The following KIF26A variants were observed in gnomAD, a reference collection of about 807,000 sequenced individuals.
The protein encoded by KIF26A is kinesin family member 26A, also known as kinesin-like protein KIF26A.
Under a neutral mutation model 126.0 loss-of-function variants are expected in KIF26A, and 74 were observed. That is an observed-to-expected ratio of 0.59 (90% CI 0.49 to 0.71). The LOEUF (loss-of-function observed/expected upper bound fraction) is 0.71, where lower values mean the gene tolerates loss of function less well. KIF26A is among the 30% of genes least tolerant of loss of function. KIF26A has a pLI of 0.00. For synonymous variants in KIF26A, 1,445 were observed against 1,232.7 expected (o/e 1.17, Z -3.61); for missense variants, 2,984 against 2,763.3 (o/e 1.08, Z -1.79).
At chr14:104,141,509 G>A (rs1036503612) in intron 2 of KIF26A, among the ~76,000 whole-genome samples, 3 of 152,126 alleles carry the variant, frequency 2.0e-5, no homozygotes, top group Admixed American at 6.5e-5. Flanking sequence ...GCCTGTCTCC[G>A]TTGTAGAGGG....
intron 2 of KIF26A, among the ~76,000 whole-genome samples, chr14:104,145,872 G>A (rs1419030857): frequency 1.3e-5 from 2 of 152,040 alleles, no homozygotes; most frequent in Admixed American, 6.5e-5. Context: ...CCCTCTCCCC[G>A]ACCCCCGCAA....
chr14:104,174,454 G>T (rs1784981249), intron 11 of KIF26A, 144 bp downstream of exon 11: 1 of 909,750 alleles, frequency 1.1e-6, no homozygotes, highest in South Asian at 2.2e-5. Context: ...ATGTCATGAG[G>T]CTATGCCCAT....
chr14:104,157,604 C>G, intron 3 of KIF26A, 151 bp from the exon 4 acceptor site: 1 of 881,272 alleles, frequency 1.1e-6, no homozygotes, highest in South Asian at 2.0e-5. Flanking sequence ...GGGGCCTTCC[C>G]GGCTTCACAG....
At position 104,179,782 on chromosome 14, in the gene KIF26A, G is replaced by C; in HGVS notation, c.5641G>C (p.Asp1881His). 1 of 1,535,034 alleles carries C rather than the reference G, an allele frequency of 6.5e-7. No homozygotes were observed. Residue 1881 changes from aspartate to histidine, a missense_variant, in exon 15 of 15, where the codon GAC becomes CAC. Physicochemically the swap from Asp to His is moderately conservative, Grantham distance 81. Transcript: ENST00000423312. ...TGCCATCCCGGGGCCGCAGGAGGTG[G>C]ACGTCTGAGGCTGGGCGCCGGACAA... is the stretch of plus-strand genomic sequence containing the variant. ...SAAIPGPQEV[D>H]V
chr14:104,155,846 C>T (rs2037772064), intron 3 of KIF26A, among the ~76,000 whole-genome samples: 1 of 152,164 alleles, frequency 6.6e-6, no homozygotes, highest in African/African-American at 2.4e-5. Flanking sequence ...TGGGGGAGGG[C>T]TCGGGCCCTG....
In KIF26A at chr14:104,157,776, G is replaced by A. The variant is rs371230681; in HGVS notation, c.757G>A (p.Val253Met). 1.5e-4 allele frequency: 234 copies of A among 1,610,648 alleles called. 1 individual carries two copies. The highest frequency in any genetic ancestry group is 3.6e-4 in the East Asian group (16 of 44,812). The change falls in exon 4 of 15, where the codon GTG (valine) becomes ATG (methionine). Residue 253 changes from valine (V) to methionine (M), a missense_variant. Transcript: ENST00000423312. ...CCAGGCCGAGGCAGCGGTGGCGGCC[G>A]TGGCGGTGGCAGACACGGTCCGAGA... ...ACLAEAAVAA[V>M]AVADTVRECP...
chr14:104,171,371 C>T (rs879319412), intron 5 of KIF26A, among the ~76,000 whole-genome samples: 2 of 152,256 alleles, frequency 1.3e-5, no homozygotes, highest in African/African-American at 2.4e-5. Flanking sequence ...CCATGCTCCT[C>T]CCTCCTGCCC....
intron 2 of KIF26A, among the ~76,000 whole-genome samples, chr14:104,141,984 G>A (rs1479717672): frequency 1.3e-5 from 2 of 152,220 alleles, no homozygotes; most frequent in Non-Finnish European, 2.9e-5. Context: ...TGTTTGCTGA[G>A]TTAGGGACTC....
In KIF26A at chr14:104,175,100, C is replaced by T. The variant is rs749899803; in HGVS notation, c.2312C>T (p.Pro771Leu). The change falls in exon 12 of 15, where the codon CCC becomes CTC. Residue 771 changes from proline to leucine, a missense_variant. Physicochemically the swap from Pro to Leu is moderately conservative, Grantham distance 98. Coordinates refer to ENST00000423312, the MANE Select transcript of KIF26A (RefSeq NM_015656.2). ...TVALDPDRTP[P>L]CLPGDPDYSS... ...GCCCTGGACCCCGACCGCACGCCTC[C>T]CTGCCTGCCCGGTGACCCCGATTAC... The T allele has an allele frequency of 1.2e-6, 2 of 1,603,326 alleles. No homozygotes were observed. The highest frequency in any genetic ancestry group is 2.3e-5 in the East Asian group (1 of 44,396).
rs1025517915 is a variant in KIF26A, at chr14:104,176,906, A to G, written c.4118A>G (p.Gln1373Arg). Residue 1373 changes from glutamine (Q) to arginine (R), a missense_variant, in exon 12 of 15, where the codon CAG becomes CGG. Transcript: ENST00000423312. ...APPTRKSSLE[Q>R]RSSPASAPPH... ...CCCACGCGGAAGTCCAGCCTGGAGC[A>G]GAGGAGCAGCCCGGCCTCGGCCCCT... The G allele has an allele frequency of 5.2e-6, 8 of 1,534,868 alleles. No individual in the cohort carries two copies. The highest frequency in any genetic ancestry group is 7.0e-6 in the Non-Finnish European group (8 of 1,144,364).
Position 104,177,017 on chromosome 14 carries a change from A to G in KIF26A, c.4229A>G (p.His1410Arg). ...EEPRPSSRADHSVPRATSSLK... is the reference protein window; with the variant it reads ...EEPRPSSRADRSVPRATSSLK... ...CCCAGACCCAGCAGCCGGGCTGACC[A>G]CTCTGTCCCCAGGGCCACGTCCAGC... Residue 1410 changes from histidine (H) to arginine (R), a missense_variant, in exon 12 of 15, where the codon CAC (histidine) becomes CGC (arginine). Transcript: ENST00000423312. The G allele has an allele frequency of 1.3e-6, 2 of 1,561,456 alleles. No homozygotes were observed. Among genetic ancestry groups the G allele is most frequent in the Non-Finnish European group, 1.7e-6 (2 of 1,161,760 alleles).
Position 104,177,716 on chromosome 14 carries a change from C to A in KIF26A, c.4928C>A (p.Pro1643His). ...NSSVLSGELP[P>H]AMGRTALFHH... ...AGCGTGCTGAGTGGAGAGCTGCCGCCCGCCATGGGCCGCACCGCCCTTTTC... is the reference window on the plus strand; with the variant it reads ...AGCGTGCTGAGTGGAGAGCTGCCGCACGCCATGGGCCGCACCGCCCTTTTC... Residue 1643 changes from proline (P) to histidine (H), a missense_variant, in exon 12 of 15, where the codon CCC becomes CAC. Physicochemically the swap from Pro to His is moderately conservative, Grantham distance 77. Coordinates refer to ENST00000423312, the MANE Select transcript of KIF26A (RefSeq NM_015656.2). 6.5e-7 allele frequency: 1 copy of A among 1,534,756 alleles called. No homozygotes were observed. The highest frequency in any genetic ancestry group is 1.2e-5 in the South Asian group (1 of 83,848).
At position 104,179,909 on chromosome 14, in the gene KIF26A, G is replaced by A. The variant is rs190523192; in HGVS notation, c.*119G>A. 83 of 1,087,454 alleles carry A rather than the reference G, an allele frequency of 7.6e-5. No individual in the cohort carries two copies. The highest frequency in any genetic ancestry group is 6.7e-4 in the East Asian group (25 of 37,160). The allele number at this position is 1,087,454 out of a possible 1,614,324, so 67.4% of individuals were successfully genotyped here. ...ATGCGGAGGGGTTTCTGTGCAGGACGGGAGTCTCAGAGAGGAGACGGAGTG... is the reference window on the plus strand; with the variant it reads ...ATGCGGAGGGGTTTCTGTGCAGGACAGGAGTCTCAGAGAGGAGACGGAGTG... On this transcript the variant is annotated 3_prime_UTR_variant, in exon 15 of 15. Transcript: ENST00000423312.
chr14:104,149,082 C>A (rs2037704757), intron 2 of KIF26A, among the ~76,000 whole-genome samples: 1 of 152,206 alleles, frequency 6.6e-6, no homozygotes, highest in African/African-American at 2.4e-5. Flanking sequence ...TGCAGCCTGG[C>A]TGGTGTGATG....
Position 104,175,882 on chromosome 14 carries a change from C to CTGG in KIF26A, c.3097_3099dup (p.Val1033dup). The CTGG allele has an allele frequency of 6.5e-7, 1 of 1,541,416 alleles. No homozygotes were observed. The highest frequency in any genetic ancestry group is 8.7e-7 in the Non-Finnish European group (1 of 1,148,484). On this transcript the variant is annotated inframe_insertion, in exon 12 of 15. Transcript: ENST00000423312. The stretch of plus-strand genomic sequence containing the variant: ...AGTGGAGCTCAACGGCGAGGACGAG[C>CTGG]TGGTGTTCACGGTGGTGGAGGAGCT...
chr14:104,166,186 C>CCAGGAGCA (rs1555389012), intron 4 of KIF26A, among the ~76,000 whole-genome samples: 1 of 145,542 alleles, frequency 6.9e-6, no homozygotes, highest in African/African-American at 2.8e-5. Context: ...TGGCAGGGGC[C>CCAGGAGCA]CAGGAGCTGG....
At chr14:104,163,942 T>C (rs1242578663) in intron 4 of KIF26A, among the ~76,000 whole-genome samples, 2 of 152,102 alleles carry the variant, frequency 1.3e-5, no homozygotes, top group East Asian at 3.9e-4. Flanking sequence ...TTCTTCCTCC[T>C]GGCATCCCCC....
intron 12 of KIF26A, among the ~76,000 whole-genome samples, chr14:104,178,183 A>G (rs1433786274): frequency 6.6e-6 from 1 of 152,170 alleles, no homozygotes; most frequent in Non-Finnish European, 1.5e-5. Context: ...GCACAAGGGC[A>G]GCCCTGCACA....
In KIF26A at chr14:104,176,773, G is replaced by A. The variant is rs770600186; in HGVS notation, c.3985G>A (p.Val1329Met). ...GTCCTGGGGAGATGCTCCCACGGAG[G>A]TGGTGGCCTGCTCGGGGAGCCTGAA... ...AVSWGDAPTE[V>M]VACSGSLKAS... Residue 1329 changes from valine (V) to methionine (M), a missense_variant, in exon 12 of 15, where the codon GTG (valine) becomes ATG (methionine). Physicochemically the swap from Val to Met is conservative, Grantham distance 21. Coordinates refer to ENST00000423312, the MANE Select transcript of KIF26A (RefSeq NM_015656.2). 3.8e-6 allele frequency: 6 copies of A among 1,578,788 alleles called. No individual in the cohort carries two copies. In the African/African-American group the frequency reaches 4.0e-5, roughly 11 times the overall value.
Sources: allele counts gnomAD v4.1 joint callset (sites outside exome capture counted in the v4.1 genomes callset), GRCh38; gene constraint gnomAD v4.1.1; transcripts MANE v1.5; gene names NCBI Gene and HGNC (gene_info 2026-07-23, HGNC 2026-07-21).